Variants in WDHD1 observed in about 807,000 individuals in gnomAD.
The protein encoded by WDHD1 is WD repeat and HMG-box DNA binding protein 1.
WDHD1 carries 111 observed loss-of-function variants against 135.4 expected under a neutral mutation model. The observed-to-expected ratio is 0.82, with a 90% CI of 0.70 to 0.96. WDHD1 has a LOEUF of 0.96. WDHD1 is among the 40% of genes least tolerant of loss of function. WDHD1 has a pLI of 0.00. For synonymous variants in WDHD1, 434 were observed against 439.0 expected (o/e 0.99, Z 0.14); for missense variants, 1,351 against 1,336.3 (o/e 1.01, Z -0.17).
chr14:54,980,569 C>G (rs565606258), intron 16 of WDHD1, among the ~76,000 whole-genome samples: 2 of 150,020 alleles, frequency 1.3e-5, no homozygotes, highest in East Asian at 3.9e-4. Flanking sequence ...TTGGGTGGAT[C>G]ACTTGAGGTG....
chr14:55,019,340 T>G (rs1427179037), intron 2 of WDHD1, among the ~76,000 whole-genome samples: 5 of 152,214 alleles, frequency 3.3e-5, no homozygotes, highest in African/African-American at 7.2e-5. Flanking sequence ...AGTTGTTAAT[T>G]TACATATTCC....
chr14:54,989,252 T>G (rs367764877), intron 12 of WDHD1, 40 bp from the exon 13 acceptor site: 15 of 1,504,390 alleles, frequency 1.0e-5, no homozygotes, highest in African/African-American at 1.4e-5. Context: ...TGAGAAAAAC[T>G]GAAGCTCCTA....
At chr14:54,995,495 C>T in intron 11 of WDHD1, 108 bp downstream of exon 11, 2 of 844,790 alleles carry the variant, frequency 2.4e-6, no homozygotes, top group South Asian at 3.3e-5. Flanking sequence ...TTCCTCTAAG[C>T]ACCACTTAGC....
chr14:55,015,843 C>T (rs771272564), intron 2 of WDHD1, among the ~76,000 whole-genome samples: 50 of 152,260 alleles, frequency 3.3e-4, no homozygotes, highest in African/African-American at 1.1e-3. Context: ...GGACTGCAGG[C>T]GTGCGCCACC....
At chr14:54,971,981 G>C (rs987267479) in intron 16 of WDHD1, among the ~76,000 whole-genome samples, 2 of 152,056 alleles carry the variant, frequency 1.3e-5, no homozygotes, top group African/African-American at 4.8e-5. Context: ...GAAACCAGTA[G>C]TTTCAGACCA....
Position 54,996,956 on chromosome 14 carries a change from T to C in WDHD1, c.943-1143A>G, listed in dbSNP as rs532055693. On this transcript the variant is annotated intron_variant, in intron 10 of 25. Transcript: ENST00000360586. Reference sequence around the variant, plus strand: ...ACAGGCGCATGCCACCATGCCCAGCTAATTTTTGTATTTTTAGTAGAGATG... The same window carrying C: ...ACAGGCGCATGCCACCATGCCCAGCCAATTTTTGTATTTTTAGTAGAGATG... Among the ~76,000 whole-genome samples the C allele has an allele frequency of 2.8e-3, 428 of 152,088 alleles. 1 individual carries two copies. Among genetic ancestry groups the C allele is most frequent in the Non-Finnish European group, 5.0e-3 (338 of 67,978 alleles).
rs1566713682 is a variant in WDHD1 at position 54,962,840 on chromosome 14, C to A, written c.2545G>T (p.Ala849Ser). The part of the protein sequence containing the change: ...KKLNAGYSNT[A>S]TEWSQPRFRN... ...AACCTTGGTTGGCTCCACTCTGTAG[C>A]AGTATTGCTGTAACTAAGAGAAAAT... Residue 849 changes from alanine (A) to serine (S), a missense_variant, in exon 20 of 26, where the codon GCT (alanine) becomes TCT (serine). Coordinates refer to ENST00000360586, the MANE Select transcript of WDHD1 (RefSeq NM_007086.4). The A allele has an allele frequency of 2.5e-6, 4 of 1,612,474 alleles. No individual in the cohort carries two copies. The highest frequency in any genetic ancestry group is 2.5e-6 in the Non-Finnish European group (3 of 1,179,988).
intron 24 of WDHD1, among the ~76,000 whole-genome samples, chr14:54,951,475 A>G: frequency 6.6e-6 from 1 of 152,188 alleles, no homozygotes; most frequent in Non-Finnish European, 1.5e-5. Context: ...GAATAGACCA[A>G]TAACAGGCTC....
chr14:54,957,633 C>T lies in WDHD1; in HGVS notation c.2704G>A (p.Ala902Thr). Residue 902 changes from alanine (A) to threonine (T), a missense_variant and splice_region_variant, in exon 22 of 26, where the codon GCA (alanine) becomes ACA (threonine). This residue lies in a region of WDHD1 where 1,330 missense variants were observed against 1,296.1 expected (regional missense o/e 1.03). Transcript: ENST00000360586. ...CGTCCTTGGCTGCTAAAGGTAACTG[C>T]ACCTTTCACAAAAAAGAAACCCTTG... Reference protein sequence around the residue: ...NSSDVSAKSGAVTFSSQGRVN... With the variant: ...NSSDVSAKSGTVTFSSQGRVN... 5 of 1,605,836 alleles carry T rather than the reference C, an allele frequency of 3.1e-6. No individual in the cohort carries two copies. The highest frequency in any genetic ancestry group is 4.2e-6 in the Non-Finnish European group (5 of 1,177,856).
intron 23 of WDHD1, 62 bp from the exon 24 acceptor site, chr14:54,955,756 A>C (rs2041144492): frequency 7.7e-7 from 1 of 1,303,032 alleles, no homozygotes. Context: ...TTTTATAAGC[A>C]CGTTCTGAAA....
chr14:54,996,735 T>A (rs2041885927), intron 10 of WDHD1, among the ~76,000 whole-genome samples: 1 of 148,532 alleles, frequency 6.7e-6, no homozygotes, highest in African/African-American at 2.5e-5. Flanking sequence ...TTGGTATAAG[T>A]CTAATGAGAA....
rs138947597 is a variant in WDHD1 at position 54,955,513 on chromosome 14, T to C, written c.3050+48A>G. On this transcript the variant is annotated intron_variant, in intron 24 of 25. Coordinates refer to ENST00000360586, the MANE Select transcript of WDHD1 (RefSeq NM_007086.4). ...GCATAATTTTGTATTGCTGCTACTG[T>C]ATACTTTTTACTTGGTCACTGCATG... The C allele has an allele frequency of 7.2e-4, 1,046 of 1,452,212 alleles. 3 individuals are homozygous for C. The highest frequency in any genetic ancestry group is 4.3e-3 in the Middle Eastern group (18 of 4,140). The allele number at this position is 1,452,212 out of a possible 1,614,324, so 90.0% of individuals were successfully genotyped here. A position where few individuals can be genotyped will look rare whatever the true frequency, so the allele number is the denominator to read the frequency against.
intron 21 of WDHD1, among the ~76,000 whole-genome samples, chr14:54,961,234 C>T (rs997605527): frequency 1.3e-5 from 2 of 152,036 alleles, no homozygotes; most frequent in Non-Finnish European, 2.9e-5. Context: ...CTCACACCTG[C>T]AGGTCCAACA....
chr14:55,002,796 G>A (rs1336309384), intron 7 of WDHD1, among the ~76,000 whole-genome samples: 1 of 151,864 alleles, frequency 6.6e-6, no homozygotes, highest in Non-Finnish European at 1.5e-5. Context: ...GTCTCACTGT[G>A]TTGCTCAAGC....
chr14:54,962,360 G>A, intron 21 of WDHD1, 138 bp downstream of exon 21: 1 of 706,900 alleles, frequency 1.4e-6, no homozygotes, highest in South Asian at 1.6e-5. Flanking sequence ...AACAACATCT[G>A]AGATTAAAAA....
rs776005256 is a variant in WDHD1, at chr14:55,000,663, G to C, written c.801-19C>G. The C allele has an allele frequency of 4.6e-6, 7 of 1,511,700 alleles. No homozygotes were observed. The Admixed American group carries it at 8.2e-5, about 18-fold the overall frequency. The allele number at this position is 1,511,700 out of a possible 1,614,324, so 93.6% of individuals were successfully genotyped here. A position where few individuals can be genotyped will look rare whatever the true frequency, so the allele number is the denominator to read the frequency against. On this transcript the variant is annotated intron_variant, in intron 9 of 25. Coordinates refer to ENST00000360586, the MANE Select transcript of WDHD1 (RefSeq NM_007086.4). ...TTTCACCCTAAAAATTAAAAAGTAG[G>C]TTCTAAAAATACTGTCAAGAAAAAT...
intron 24 of WDHD1, among the ~76,000 whole-genome samples, chr14:54,945,921 T>C (rs1346145445): frequency 1.3e-5 from 2 of 152,144 alleles, no homozygotes; most frequent in Non-Finnish European, 2.9e-5. Context: ...AAGTCTAAAC[T>C]TTTTAAGGTT....
In WDHD1 at chr14:54,962,558, A is replaced by T; in HGVS notation, c.2648-7T>A. ...TTGGAAAACGAGTTCTGTCCTACAG[A>T]TTAAAATAAAGCAATATAATGTAAA... On this transcript the variant is annotated splice_polypyrimidine_tract_variant and splice_region_variant and intron_variant, in intron 20 of 25. Coordinates refer to ENST00000360586, the MANE Select transcript of WDHD1 (RefSeq NM_007086.4). The T allele has an allele frequency of 6.2e-7, 1 of 1,605,642 alleles. No individual in the cohort carries two copies. The highest frequency in any genetic ancestry group is 8.5e-7 in the Non-Finnish European group (1 of 1,174,214).
At chr14:55,016,282 C>T (rs764442319) in intron 2 of WDHD1, among the ~76,000 whole-genome samples, 13 of 151,976 alleles carry the variant, frequency 8.6e-5, no homozygotes, top group Non-Finnish European at 1.5e-4. Context: ...CCAACACAAC[C>T]CTTTCAGTGG....
Sources: allele counts gnomAD v4.1 joint callset (sites outside exome capture counted in the v4.1 genomes callset), GRCh38; gene constraint gnomAD v4.1.1; regional missense constraint gnomAD v4.1.1; transcripts MANE v1.5; gene names NCBI Gene and HGNC (gene_info 2026-07-23, HGNC 2026-07-21).